COL6A5: variants seen among roughly 807,000 people sequenced by gnomAD.
COL6A5 encodes the protein collagen type VI alpha 5 chain.
Under a neutral mutation model 65.6 loss-of-function variants are expected in COL6A5, and 48 were observed. The ratio of observed to expected loss-of-function variants is 0.73; its 90% CI spans 0.58 to 0.93. The LOEUF (loss-of-function observed/expected upper bound fraction) is 0.93. COL6A5 is among the 40% of genes least tolerant of loss of function. COL6A5 has a pLI of 0.00. For synonymous variants in COL6A5, 291 were observed against 322.8 expected, an observed-to-expected ratio of 0.90 and a Z score of 1.05; for missense variants, 914 against 928.3, an observed-to-expected ratio of 0.98 and a Z score of 0.20.
exon 8 of COL6A5, chr3:130,484,071 G>A (rs777133395): frequency 6.2e-7 from 1 of 1,604,818 alleles, no homozygotes. Context: ...GAGAAAAGAA[G>A]ATAGCTCCAC....
At chr3:130,453,207 G>A (rs1485736761) in intron 4 of COL6A5, among the ~76,000 whole-genome samples, 1 of 152,110 alleles carries the variant, frequency 6.6e-6, no homozygotes, top group Non-Finnish European at 1.5e-5. Flanking sequence ...AATCACAAGA[G>A]TATTGATTGG....
intron 5 of COL6A5, among the ~76,000 whole-genome samples, chr3:130,465,016 C>T (rs1709781576): frequency 6.6e-6 from 1 of 151,970 alleles, no homozygotes; most frequent in South Asian, 2.1e-4. Context: ...CAAAAGAAAG[C>T]AAACAAAACA....
In COL6A5 at chr3:130,401,191, A is replaced by C. The variant is rs1936803584; in HGVS notation, c.4134+18A>C. 5 of 1,521,428 alleles carry C rather than the reference A, an allele frequency of 3.3e-6. No homozygotes were observed. The highest frequency in any genetic ancestry group is 4.4e-6 in the Non-Finnish European group (5 of 1,135,450). 94.2% of individuals were successfully genotyped at this position (1,521,428 alleles called of 1,614,324 possible). ...AGTACCTGGTGAGTTGTTGAACAAA[A>C]TCCCCGGTTGTTCAAAATGCCATGG... is the stretch of plus-strand genomic sequence containing the variant. On this transcript the variant is annotated intron_variant and NMD_transcript_variant, in intron 11 of 41. Transcript: ENST00000312481.
chr3:130,444,832 T>G (rs955650597), intron 4 of COL6A5, among the ~76,000 whole-genome samples: 1 of 152,210 alleles, frequency 6.6e-6, no homozygotes. Context: ...AATTTGTTTT[T>G]TAAATTTAGT....
At chr3:130,435,732 T>A (rs1938012887) in intron 1 of COL6A5, among the ~76,000 whole-genome samples, 1 of 152,160 alleles carries the variant, frequency 6.6e-6, no homozygotes, top group Non-Finnish European at 1.5e-5. Context: ...TTTGGCTCTC[T>A]GCTTGCCTAT....
chr3:130,383,704 A>G (rs1389403118), intron 4 of COL6A5, among the ~76,000 whole-genome samples: 1 of 152,092 alleles, frequency 6.6e-6, no homozygotes, highest in African/African-American at 2.4e-5. Flanking sequence ...AAACCAGATA[A>G]TGACACACAT....
At chr3:130,400,984 A>T in intron 10 of COL6A5, 47 bp from the exon 11 acceptor site, 1 of 1,424,712 alleles carries the variant, frequency 7.0e-7, no homozygotes, top group Non-Finnish European at 9.3e-7. Flanking sequence ...CTTCTTTTTC[A>T]TGTACAACCC....
At chr3:130,384,899 T>C (rs1409144098) in exon 5 of COL6A5, 43 of 1,550,764 alleles carry the variant, frequency 2.8e-5, no homozygotes, top group Non-Finnish European at 3.5e-5. Context: ...GAGATTTATG[T>C]TGGAAGTGAC....
chr3:130,349,850 T>TAGGC (rs1295405652), intron 1 of COL6A5, among the ~76,000 whole-genome samples: 3 of 152,226 alleles, frequency 2.0e-5, no homozygotes, highest in African/African-American at 7.2e-5. Context: ...AGTCCACAGG[T>TAGGC]AGGCAGTACA....
intron 5 of COL6A5, among the ~76,000 whole-genome samples, chr3:130,464,082 A>G (rs1055520569): frequency 1.3e-5 from 2 of 152,080 alleles, no homozygotes; most frequent in Non-Finnish European, 2.9e-5. Context: ...TTTCACTGAC[A>G]TGGTAAGTTA....
chr3:130,368,208 G>A (rs1411906397), intron 1 of COL6A5, among the ~76,000 whole-genome samples: 1 of 152,196 alleles, frequency 6.6e-6, no homozygotes, highest in Non-Finnish European at 1.5e-5. Flanking sequence ...GTTCAGCTGT[G>A]CCCCAGAGTT....
chr3:130,371,145 A>G (rs139059197), intron 1 of COL6A5, among the ~76,000 whole-genome samples: 13 of 152,358 alleles, frequency 8.5e-5, no homozygotes, highest in Middle Eastern at 6.8e-3. Flanking sequence ...TTTAAAGAGC[A>G]TCAGTGAAAA....
intron 1 of COL6A5, among the ~76,000 whole-genome samples, chr3:130,350,381 C>A (rs945176906): frequency 6.6e-6 from 1 of 152,204 alleles, no homozygotes; most frequent in Non-Finnish European, 1.5e-5. Context: ...TCCCTGTTTG[C>A]AGATGAAATG....
At chr3:130,368,359 T>TGG (rs1409308089) in intron 1 of COL6A5, among the ~76,000 whole-genome samples, 1 of 152,198 alleles carries the variant, frequency 6.6e-6, no homozygotes, top group Admixed American at 6.5e-5. Context: ...GTTGGATAAA[T>TGG]GGGGCTTTTA....
At chr3:130,399,218 T>A (rs925398734) in intron 10 of COL6A5, among the ~76,000 whole-genome samples, 3 of 152,230 alleles carry the variant, frequency 2.0e-5, no homozygotes, top group African/African-American at 7.2e-5. Flanking sequence ...CAATATGTCC[T>A]GTTTTATTGC....
intron 1 of COL6A5, among the ~76,000 whole-genome samples, chr3:130,359,483 T>G (rs1027855882): frequency 1.8e-4 from 28 of 152,104 alleles, no homozygotes; most frequent in African/African-American, 6.3e-4. Flanking sequence ...ATGTAATTTT[T>G]AGGACTCATA....
Position 130,423,752 on chromosome 3 carries a change from A to T in COL6A5, c.5101-86A>T, listed in dbSNP as rs998643440. On this transcript the variant is annotated intron_variant and NMD_transcript_variant, in intron 28 of 41. Coordinates refer to the COL6A5 transcript ENST00000312481. ...CTGCTATCTTTTTAAAATTTTTTTT[A>T]AAATTAGAAAGTCTTATCGAAACTG... The T allele has an allele frequency of 5.2e-4, 553 of 1,058,350 alleles. 2 individuals are homozygous for T. Among genetic ancestry groups the T allele is most frequent in the Middle Eastern group, 2.7e-3 (12 of 4,444 alleles). 65.6% of individuals were successfully genotyped at this position (1,058,350 alleles called of 1,614,324 possible). A position where few individuals can be genotyped will look rare whatever the true frequency, so the allele number is the denominator to read the frequency against.
upstream of COL6A5, chr3:130,426,520 AACAAGCTTGTCTGGAGTGCCT>A (rs1411173383): frequency 3.9e-6 from 4 of 1,037,356 alleles, no homozygotes; most frequent in African/African-American, 1.6e-5. Context: ...AAGCCTCTGT[AACAAGCTTGTCTGGAGTGCCT>A]ACTGTAGAAT....
Position 130,441,899 on chromosome 3 carries a change from C to G in COL6A5, c.1241+1074C>G, listed in dbSNP as rs536749693. The stretch of plus-strand genomic sequence containing the variant: ...AGCTGAACCTTTTCTTTCTGGAAAT[C>G]TGACAGGTTTAGAAGTAAACTTGGC... On this transcript the variant is annotated intron_variant, in intron 3 of 7. Coordinates refer to ENST00000512836, the Ensembl canonical transcript of COL6A5. Among the ~76,000 whole-genome samples the G allele has an allele frequency of 2.6e-5, 4 of 152,272 alleles. No homozygotes were observed. The East Asian group carries it at 7.7e-4, about 29-fold the overall frequency.
Sources: allele counts gnomAD v4.1 joint callset (sites outside exome capture counted in the v4.1 genomes callset), GRCh38; gene constraint gnomAD v4.1.1; transcripts MANE v1.5; gene names NCBI Gene and HGNC (gene_info 2026-07-23, HGNC 2026-07-21).